Variants in AKAP6 observed in about 807,000 individuals in gnomAD.
The protein encoded by AKAP6 is A-kinase anchoring protein 6, also known as A-kinase anchor protein 6.
In AKAP6, 58 loss-of-function variants were observed where a neutral mutation model predicts 188.5. The observed-to-expected ratio is 0.31, with a 90% CI of 0.25 to 0.38. The LOEUF (loss-of-function observed/expected upper bound fraction) is 0.38. Ranked by LOEUF, AKAP6 falls within the 10% of genes least tolerant of loss-of-function variation. The pLI is 1.00. For missense variants in AKAP6, 2,710 were observed against 2,740.0 expected (o/e 0.99, Z 0.24); for synonymous variants, 989 against 998.6 (o/e 0.99, Z 0.18).
At chr14:32,740,130 G>A (rs1173786841) in intron 11 of AKAP6, among the ~76,000 whole-genome samples, 1 of 152,062 alleles carries the variant, frequency 6.6e-6, no homozygotes, top group African/African-American at 2.4e-5. Context: ...GCTCAATGAT[G>A]TTGAGTCCCT....
intron 7 of AKAP6, among the ~76,000 whole-genome samples, chr14:32,626,762 T>C (rs73260903): frequency 0.038 from 5,765 of 152,192 alleles, 351 homozygotes; most frequent in African/African-American, 0.13. Context: ...TTAATCGCAT[T>C]TGATGCATCC....
intron 7 of AKAP6, among the ~76,000 whole-genome samples, chr14:32,611,081 T>C (rs1012443541): frequency 6.6e-6 from 1 of 152,028 alleles, no homozygotes; most frequent in Non-Finnish European, 1.5e-5. Flanking sequence ...TGTGCTCTAA[T>C]ATAAGGAAAA....
At chr14:32,673,452 C>T (rs1265247446) in intron 7 of AKAP6, among the ~76,000 whole-genome samples, 2 of 152,084 alleles carry the variant, frequency 1.3e-5, no homozygotes, top group African/African-American at 2.4e-5. Context: ...TGGATGAATG[C>T]AGCTGGGTGT....
intron 12 of AKAP6, among the ~76,000 whole-genome samples, chr14:32,803,152 A>G (rs2033995571): frequency 6.6e-6 from 1 of 151,878 alleles, no homozygotes; most frequent in Non-Finnish European, 1.5e-5. Context: ...ATGAATTAAG[A>G]AATATTTGTG....
At chr14:32,724,977 T>C (rs1268722378) in intron 9 of AKAP6, among the ~76,000 whole-genome samples, 2 of 88,778 alleles carry the variant, frequency 2.3e-5, no homozygotes, top group African/African-American at 3.9e-5. Flanking sequence ...CTTTGTGTCA[T>C]TTATATTCAA....
At chr14:32,739,902 G>A (rs918499707) in intron 11 of AKAP6, among the ~76,000 whole-genome samples, 2 of 152,076 alleles carry the variant, frequency 1.3e-5, no homozygotes, top group African/African-American at 4.8e-5. Context: ...CGGTGGGATT[G>A]TTGGATCATA....
intron 10 of AKAP6, 51 bp from the exon 11 acceptor site, chr14:32,735,606 GT>G (rs139360332): frequency 1.3e-4 from 176 of 1,317,064 alleles, no homozygotes; most frequent in Middle Eastern, 4.4e-4. Context: ...TGTTCGTGGG[GT>G]TTTTTTTTGT....
chr14:32,391,691 C>T (rs1888722770), intron 1 of AKAP6, among the ~76,000 whole-genome samples: 1 of 152,182 alleles, frequency 6.6e-6, no homozygotes, highest in Non-Finnish European at 1.5e-5. Flanking sequence ...TCTAACCCCA[C>T]TGCCTTGCTT....
At chr14:32,434,086 A>G in intron 2 of AKAP6, 1 of 390,086 alleles carries the variant, frequency 2.6e-6, no homozygotes, top group South Asian at 4.6e-5. Flanking sequence ...AGTGTTATCA[A>G]AATAAGTTAC....
At chr14:32,826,754 G>A (rs2034683921) in intron 13 of AKAP6, among the ~76,000 whole-genome samples, 1 of 152,200 alleles carries the variant, frequency 6.6e-6, no homozygotes, top group African/African-American at 2.4e-5. Context: ...TGGAGGAAGT[G>A]AATGTGCTGG....
chr14:32,522,853 G>A (rs940441026), intron 2 of AKAP6, among the ~76,000 whole-genome samples: 1 of 151,488 alleles, frequency 6.6e-6, no homozygotes, highest in Admixed American at 6.6e-5. Flanking sequence ...TATACCCAAA[G>A]GATTATAAAG....
intron 1 of AKAP6, among the ~76,000 whole-genome samples, chr14:32,363,388 A>G (rs949421799): frequency 2.0e-5 from 3 of 152,226 alleles, no homozygotes; most frequent in Non-Finnish European, 4.4e-5. Flanking sequence ...ATTGACTCAC[A>G]TGATCACAAG....
chr14:32,432,093 A>G (rs566440516), intron 1 of AKAP6, among the ~76,000 whole-genome samples: 13 of 152,150 alleles, frequency 8.5e-5, no homozygotes, highest in Non-Finnish European at 1.9e-4. Flanking sequence ...TTGTTACTGT[A>G]CAAATATGAA....
At chr14:32,644,144 A>AT (rs1433678244) in intron 7 of AKAP6, among the ~76,000 whole-genome samples, 5 of 152,130 alleles carry the variant, frequency 3.3e-5, no homozygotes, top group African/African-American at 9.7e-5. Context: ...AAATGGTCTG[A>AT]TTTTGTTTGG....
At chr14:32,619,272 GAGTTTTTCTT>G (rs1476718920) in intron 7 of AKAP6, among the ~76,000 whole-genome samples, 1 of 151,988 alleles carries the variant, frequency 6.6e-6, no homozygotes, top group Non-Finnish European at 1.5e-5. Context: ...ACATCCAGGA[GAGTTTTTCTT>G]AGTTTTTCTT....
chr14:32,340,188 A>G lies in AKAP6; in HGVS notation c.-35+10780A>G, dbSNP rs867753943. ...CTCAGTGTTTTTATTTTATGATAAT[A>G]AAACATATTTGTTTTTATTAAATGT... On this transcript the variant is annotated intron_variant, in intron 1 of 13. Coordinates refer to ENST00000280979, the MANE Select transcript of AKAP6 (RefSeq NM_004274.5). Among the ~76,000 whole-genome samples, 12 of 151,978 alleles carry G rather than the reference A, an allele frequency of 7.9e-5. No homozygotes were observed. The South Asian group carries it at 2.5e-3, about 32-fold the overall frequency.
rs116589157 is a variant in AKAP6, at chr14:32,626,596, A to G, written c.2730+25804A>G. ...ACTGGACCTGCTCACAGCTTCTCCAACACTACTCAGCCGCAGGTCCAAGTC... is the reference window on the plus strand; with the variant it reads ...ACTGGACCTGCTCACAGCTTCTCCAGCACTACTCAGCCGCAGGTCCAAGTC... On this transcript the variant is annotated intron_variant, in intron 7 of 13. Coordinates refer to ENST00000280979, the MANE Select transcript of AKAP6 (RefSeq NM_004274.5). 4.0e-3 allele frequency among the ~76,000 whole-genome samples: 603 copies of G among 152,088 alleles called. 1 individual carries two copies. The highest frequency in any genetic ancestry group is 0.014 in the African/African-American group (582 of 41,484).
intron 2 of AKAP6, among the ~76,000 whole-genome samples, chr14:32,501,490 G>A (rs917541862): frequency 4.6e-5 from 7 of 152,036 alleles, no homozygotes; most frequent in African/African-American, 7.2e-5. Flanking sequence ...TTCTACCCAC[G>A]TTCCATTGGC....
At chr14:32,562,455 G>C (rs8004791) in intron 4 of AKAP6, among the ~76,000 whole-genome samples, 66,986 of 151,964 alleles carry the variant, frequency 0.44, 17,174 homozygotes, top group African/African-American at 0.72. Flanking sequence ...ACTATCGGTA[G>C]TCTTTTAAAG....
Sources: allele counts gnomAD v4.1 joint callset (sites outside exome capture counted in the v4.1 genomes callset), GRCh38; gene constraint gnomAD v4.1.1; transcripts MANE v1.5; gene names NCBI Gene and HGNC (gene_info 2026-07-23, HGNC 2026-07-21).